Variants in PRKCB observed in about 807,000 individuals in gnomAD.
The protein encoded by PRKCB is protein kinase C beta, also known as protein kinase C beta type.
A neutral mutation model predicts 81.5 loss-of-function variants in PRKCB; 13 were observed. The ratio of observed to expected loss-of-function variants is 0.16; its 90% CI spans 0.10 to 0.25. The LOEUF is 0.25. Among genes scored for constraint, PRKCB ranks in the 10% least tolerant of loss-of-function variants. PRKCB has a pLI of 1.00. For missense variants in PRKCB, 509 were observed against 875.7 expected (o/e 0.58, Z 5.29); for synonymous variants, 335 against 321.4 (o/e 1.04, Z -0.45).
chr16:24,187,791 G>T (rs1226910257), intron 15 of PRKCB, among the ~76,000 whole-genome samples: 2 of 152,142 alleles, frequency 1.3e-5, no homozygotes, highest in Admixed American at 6.5e-5. Context: ...GGATCCTCCT[G>T]CCTCTGCCTC....
chr16:24,196,415 C>T (rs1208547577), intron 16 of PRKCB, among the ~76,000 whole-genome samples: 2 of 152,212 alleles, frequency 1.3e-5, no homozygotes, highest in Non-Finnish European at 2.9e-5. Context: ...GCTGATTTTG[C>T]AAACTGTCAT....
In PRKCB at chr16:23,988,498, T is replaced by A; in HGVS notation, c.206-10T>A. ...TTCCCTTCCTCCCACCCTGATTTTC[T>A]CTTTTGCAGTTTGCTGCTTTGTGGT... On this transcript the variant is annotated splice_polypyrimidine_tract_variant and intron_variant, in intron 2 of 16. Transcript: ENST00000643927. 6.2e-7 allele frequency: 1 copy of A among 1,613,488 alleles called. No individual in the cohort carries two copies. The highest frequency in any genetic ancestry group is 8.5e-7 in the Non-Finnish European group (1 of 1,179,468).
intron 12 of PRKCB, among the ~76,000 whole-genome samples, chr16:24,177,312 T>C (rs1967550706): frequency 6.6e-6 from 1 of 152,220 alleles, no homozygotes; most frequent in Admixed American, 6.5e-5. Context: ...TTTCAGGTGC[T>C]AAGATGATAC....
intron 5 of PRKCB, among the ~76,000 whole-genome samples, chr16:24,053,150 C>T (rs890571433): frequency 2.6e-5 from 4 of 152,172 alleles, no homozygotes; most frequent in Admixed American, 6.5e-5. Context: ...ACATCCAGCA[C>T]GGGGTTACTG....
Position 24,217,421 on chromosome 16 carries a change from G to A in PRKCB, c.*2605G>A. 1 of 985,428 alleles carries A rather than the reference G, an allele frequency of 1.0e-6. No individual in the cohort carries two copies. The allele number at this position is 985,428 out of a possible 1,614,324, so 61.0% of individuals were successfully genotyped here. ...CATAGCAACAAGGACCTTCTTGGGG[G>A]ATTAATGGGAGGTCAGTAGAATTAA... On this transcript the variant is annotated 3_prime_UTR_variant, in exon 17 of 17. Transcript: ENST00000643927.
intron 2 of PRKCB, among the ~76,000 whole-genome samples, chr16:23,904,828 G>A (rs1322214696): frequency 6.6e-6 from 1 of 152,034 alleles, no homozygotes; most frequent in African/African-American, 2.4e-5. Context: ...TCCTCTTTGA[G>A]TGGTAAAATC....
At position 23,902,714 on chromosome 16, in the gene PRKCB, T is replaced by TTCCCTCCCTCCCTTCCTCCC. The variant is rs1555483448; in HGVS notation, c.205+65310_205+65329dup. ...GTTCAGGAACTGAGCTCAAAAGTTT[T>TTCCCTCCCTCCCTTCCTCCC]TCCCTCCCTCCCTTCCTCCCTTCCT... On this transcript the variant is annotated intron_variant, in intron 2 of 16. Transcript: ENST00000643927. 3.5e-4 allele frequency among the ~76,000 whole-genome samples: 30 copies of TTCCCTCCCTCCCTTCCTCCC among 86,744 alleles called. 3 individuals are homozygous for TTCCCTCCCTCCCTTCCTCCC. The highest frequency in any genetic ancestry group is 5.5e-4 in the Non-Finnish European group (22 of 40,108). The allele number at this position is 86,744 out of a possible 152,430, so 56.9% of individuals were successfully genotyped here.
intron 5 of PRKCB, among the ~76,000 whole-genome samples, chr16:24,044,687 T>C (rs571802943): frequency 6.6e-6 from 1 of 152,320 alleles, no homozygotes; most frequent in African/African-American, 2.4e-5. Flanking sequence ...TTATATATTA[T>C]CTATGGCTGC....
chr16:24,127,183 T>C (rs1249874649), intron 9 of PRKCB, among the ~76,000 whole-genome samples: 1 of 151,460 alleles, frequency 6.6e-6, no homozygotes, highest in Non-Finnish European at 1.5e-5. Flanking sequence ...ATTTTCCACT[T>C]TTAGTAGAGA....
At chr16:24,039,363 G>A (rs2141860561) in intron 5 of PRKCB, among the ~76,000 whole-genome samples, 1 of 152,254 alleles carries the variant, frequency 6.6e-6, no homozygotes, top group East Asian at 1.9e-4. Flanking sequence ...CGAGTGGCTA[G>A]GATTACAGGC....
At chr16:24,193,472 TAAATAAATA>T (rs1555501784) in intron 16 of PRKCB, among the ~76,000 whole-genome samples, 2 of 103,160 alleles carry the variant, frequency 1.9e-5, no homozygotes, top group African/African-American at 6.2e-5. Context: ...AATAAATAAA[TAAATAAATA>T]AATAAATAAA....
chr16:24,147,562 A>C (rs532103701), intron 9 of PRKCB, among the ~76,000 whole-genome samples: 3 of 152,234 alleles, frequency 2.0e-5, no homozygotes, highest in Admixed American at 1.3e-4. Flanking sequence ...AAAGGAAATG[A>C]CTGTTCTCTC....
chr16:23,876,987 T>TG (rs57866808), intron 2 of PRKCB, among the ~76,000 whole-genome samples: 2,337 of 151,788 alleles, frequency 0.015, 56 homozygotes, highest in African/African-American at 0.05. Context: ...TAGAAGGATA[T>TG]GGGGGGGGAG....
chr16:24,021,058 C>CTTTCTTTCTTTCTTTCTTT (rs1567346789), intron 3 of PRKCB, among the ~76,000 whole-genome samples: 15 of 54,330 alleles, frequency 2.8e-4, no homozygotes, highest in South Asian at 2.0e-3. Flanking sequence ...TTCTTTCTTT[C>CTTTCTTTCTTTCTTTCTTT]CCTCCCTCCC....
Position 23,843,828 on chromosome 16 carries a change from A to G in PRKCB, c.205+6422A>G, listed in dbSNP as rs112190735. ...AAAAAAAAAAAAAAATAGAAGATACAGAAGAAGGCAATTGGTCAAAAGATT... is the reference window on the plus strand; with the variant it reads ...AAAAAAAAAAAAAAATAGAAGATACGGAAGAAGGCAATTGGTCAAAAGATT... On this transcript the variant is annotated intron_variant, in intron 2 of 16. Transcript: ENST00000643927. Among the ~76,000 whole-genome samples, 527 of 149,018 alleles carry G rather than the reference A, an allele frequency of 3.5e-3. 4 individuals are homozygous for G. Among genetic ancestry groups the G allele is most frequent in the Non-Finnish European group, 5.0e-3 (336 of 67,518 alleles).
chr16:23,919,300 T>A (rs1963788796), intron 2 of PRKCB, among the ~76,000 whole-genome samples: 1 of 151,580 alleles, frequency 6.6e-6, no homozygotes, highest in African/African-American at 2.4e-5. Context: ...CAAATTATAC[T>A]ACTTATAAAA....
chr16:24,119,629 T>C (rs1966775086), intron 8 of PRKCB, among the ~76,000 whole-genome samples: 1 of 151,576 alleles, frequency 6.6e-6, no homozygotes, highest in African/African-American at 2.4e-5. Flanking sequence ...GGGAAAGTGT[T>C]TGGGTCAGGC....
intron 10 of PRKCB, among the ~76,000 whole-genome samples, chr16:24,159,250 C>T (rs1967217058): frequency 6.6e-6 from 1 of 152,224 alleles, no homozygotes; most frequent in Non-Finnish European, 1.5e-5. Context: ...TCTACTCTCC[C>T]ATTTTGCAGG....
chr16:24,181,053 C>T, intron 13 of PRKCB, 125 bp downstream of exon 13: 1 of 1,232,250 alleles, frequency 8.1e-7, no homozygotes, highest in Non-Finnish European at 1.1e-6. Flanking sequence ...GATTCTTATT[C>T]TATACTCTAA....
Sources: gnomAD v4.1 joint callset for allele counts (sites outside exome capture counted in the v4.1 genomes callset) on GRCh38, gnomAD v4.1.1 for gene constraint, MANE v1.5 for transcripts, NCBI Gene and HGNC (gene_info 2026-07-23, HGNC 2026-07-21) for gene names.